The following KRT76 variants were observed in gnomAD, a reference collection of about 807,000 sequenced individuals.
The protein encoded by KRT76 is keratin, type II cytoskeletal 2 oral.
Under a neutral mutation model 44.9 loss-of-function variants are expected in KRT76, and 47 were observed. That is an observed-to-expected ratio of 1.05 (90% CI 0.83 to 1.33). The LOEUF (loss-of-function observed/expected upper bound fraction) is 1.33. Among genes scored for constraint, KRT76 ranks in the 40% most tolerant of loss-of-function variants. KRT76 has a pLI of 0.00. For missense variants in KRT76, 860 were observed against 775.8 expected (o/e 1.11, Z -1.29); for synonymous variants, 331 against 294.1 (o/e 1.13, Z -1.28).
At chr12:52,773,351 G>A (rs374733922) in intron 3 of KRT76, among the ~76,000 whole-genome samples, 3 of 152,136 alleles carry the variant, frequency 2.0e-5, no homozygotes, top group East Asian at 1.9e-4. Context: ...TTATTAGTTC[G>A]CATTGCTAAT....
In KRT76 at chr12:52,776,811, T is replaced by C; in HGVS notation, c.481A>G (p.Asn161Asp). Residue 161 changes from asparagine to aspartate, a missense_variant, in exon 1 of 9, where the codon AAC becomes GAC. Transcript: ENST00000332411. The stretch of plus-strand genomic sequence containing the variant: ...TTGAGGGGCTGCAGGAGACTCTGGT[T>C]TACAATCACTTCCTGAATTCCCCCA... ...FPGGIQEVIV[N>D]QSLLQPLNVE... The C allele has an allele frequency of 6.2e-7, 1 of 1,613,944 alleles. No individual in the cohort carries two copies. The highest frequency in any genetic ancestry group is 8.5e-7 in the Non-Finnish European group (1 of 1,179,998).
chr12:52,769,612 T>G, intron 7 of KRT76, 29 bp from the exon 8 acceptor site: 1 of 1,605,540 alleles, frequency 6.2e-7, no homozygotes, highest in Non-Finnish European at 8.5e-7. Flanking sequence ...GGTGAATTCT[T>G]TCTGTTATGA....
At position 52,769,048 on chromosome 12, in the gene KRT76, C is replaced by T. The variant is rs1173880547; in HGVS notation, c.1582G>A (p.Gly528Arg). ...SSGSSRGVFG[G>R]VSGSGSGGYK... ...CCACCACTGCCACTGCCACTGACCC[C>T]TCCAAAAACTCCACGGCTACTGCCA... is the stretch of plus-strand genomic sequence containing the variant. The change falls in exon 9 of 9, where the codon GGG (glycine) becomes AGG (arginine). Residue 528 changes from glycine (G) to arginine (R), a missense_variant. Physicochemically the swap from Gly to Arg is moderately radical, Grantham distance 125. Transcript: ENST00000332411. 3 of 739,102 alleles carry T rather than the reference C, an allele frequency of 4.1e-6. No individual in the cohort carries two copies. Among genetic ancestry groups the T allele is most frequent in the South Asian group, 1.5e-5 (1 of 68,048 alleles). The allele number at this position is 739,102 out of a possible 1,614,324, so 45.8% of individuals were successfully genotyped here. A position where few individuals can be genotyped will look rare whatever the true frequency, so the allele number is the denominator to read the frequency against.
chr12:52,775,671 G>A (rs1939251679), intron 1 of KRT76, 69 bp from the exon 2 acceptor site: 1 of 1,245,468 alleles, frequency 8.0e-7, no homozygotes, highest in Non-Finnish European at 1.1e-6. Context: ...CATCCCAAAT[G>A]TAGAACTGTG....
In KRT76 at chr12:52,775,399, G is replaced by C; in HGVS notation, c.804C>G (p.Asp268Glu). ...ELKSMQDLVE[D>E]FKKKYEDEIN... ...GGAGGAGCCCTCACTTCTTTTTGAA[G>C]TCTTCCACCAGGTCCTGCATGCTTT... is the stretch of plus-strand genomic sequence containing the variant. The change falls in exon 2 of 9, where the codon GAC becomes GAG. Residue 268 changes from aspartate (D) to glutamate (E), a missense_variant. By Grantham distance (45) the Asp-to-Glu change is conservative. Transcript: ENST00000332411. The C allele has an allele frequency of 6.2e-7, 1 of 1,614,134 alleles. No individual in the cohort carries two copies. Among genetic ancestry groups the C allele is most frequent in the Non-Finnish European group, 8.5e-7 (1 of 1,179,972 alleles).
chr12:52,771,749 G>A (rs541847253), intron 6 of KRT76, 122 bp downstream of exon 6: 37 of 1,246,426 alleles, frequency 3.0e-5, no homozygotes, highest in Middle Eastern at 2.9e-4. Context: ...CAGACACTGC[G>A]CTATCCCACA....
At chr12:52,775,988 T>C (rs1320590481) in intron 1 of KRT76, among the ~76,000 whole-genome samples, 2 of 152,126 alleles carry the variant, frequency 1.3e-5, no homozygotes, top group Non-Finnish European at 2.9e-5. Flanking sequence ...AGAATACCAC[T>C]GAAGGAGGTA....
At position 52,768,193 on chromosome 12, in the gene KRT76, C is replaced by T. The variant is rs934969889; in HGVS notation, c.*520G>A. The T allele has an allele frequency of 1.3e-5, 2 of 153,676 alleles. No homozygotes were observed. The highest frequency in any genetic ancestry group is 2.9e-5 in the Non-Finnish European group (2 of 68,854). 9.5% of individuals were successfully genotyped at this position (153,676 alleles called of 1,614,324 possible). On this transcript the variant is annotated 3_prime_UTR_variant, in exon 9 of 9. Coordinates refer to ENST00000332411, the MANE Select transcript of KRT76 (RefSeq NM_015848.4). Reference sequence around the variant, plus strand: ...AATTTATTGAGAAAAGAAAGTGCAACATACTCATCACCAGAGGATCTACAG... The same window carrying T: ...AATTTATTGAGAAAAGAAAGTGCAATATACTCATCACCAGAGGATCTACAG...
At chr12:52,773,530 G>T (rs578017991) in intron 3 of KRT76, 52 bp downstream of exon 3, 3 of 1,410,156 alleles carry the variant, frequency 2.1e-6, no homozygotes, top group Non-Finnish European at 3.0e-6. Context: ...CTCTCTCCAT[G>T]GGGGCAGCTC....
intron 2 of KRT76, 32 bp downstream of exon 2, chr12:52,775,356 A>G: frequency 1.3e-6 from 2 of 1,589,744 alleles, no homozygotes; most frequent in Non-Finnish European, 1.7e-6. Context: ...CTAATTCCCC[A>G]GAAGGGGAAA....
In KRT76 at chr12:52,769,460, G is replaced by C. The variant is rs1939145582; in HGVS notation, c.1519+89C>G. 5 of 1,118,654 alleles carry C rather than the reference G, an allele frequency of 4.5e-6. No individual in the cohort carries two copies. The South Asian group carries it at 6.2e-5, about 14-fold the overall frequency. The allele number at this position is 1,118,654 out of a possible 1,614,324, so 69.3% of individuals were successfully genotyped here. ...TGGCCTGACTTCCTTGGATGGAACA[G>C]GCCTTCTTGCCTGAAGGTCAGTCAG... is the stretch of plus-strand genomic sequence containing the variant. On this transcript the variant is annotated intron_variant, in intron 8 of 8. Coordinates refer to ENST00000332411, the MANE Select transcript of KRT76 (RefSeq NM_015848.4).
rs2121182457 is a variant in KRT76, at chr12:52,769,163, C to T, written c.1520-53G>A. 4.6e-6 allele frequency: 3 copies of T among 657,100 alleles called. No homozygotes were observed. The East Asian group carries it at 8.2e-5, about 18-fold the overall frequency. The allele number at this position is 657,100 out of a possible 1,614,324, so 40.7% of individuals were successfully genotyped here. A position where few individuals can be genotyped will look rare whatever the true frequency, so the allele number is the denominator to read the frequency against. Reference sequence around the variant, plus strand: ...GCAAAGGGCCTGGGAAACTGGAAGCCAAGGACTGTATTACATCCCCACCCT... The same window carrying T: ...GCAAAGGGCCTGGGAAACTGGAAGCTAAGGACTGTATTACATCCCCACCCT... On this transcript the variant is annotated intron_variant, in intron 8 of 8. Transcript: ENST00000332411.
intron 2 of KRT76, 113 bp from the exon 3 acceptor site, chr12:52,773,755 C>G: frequency 1.3e-6 from 1 of 743,026 alleles, no homozygotes; most frequent in Non-Finnish European, 2.3e-6. Context: ...GCTTCATGGG[C>G]ACGTGCAGTT....
chr12:52,775,004 G>C (rs765164369), intron 2 of KRT76, among the ~76,000 whole-genome samples: 18 of 152,150 alleles, frequency 1.2e-4, no homozygotes, highest in Non-Finnish European at 2.5e-4. Flanking sequence ...CACACTCCTG[G>C]GGCCTGTCCA....
In KRT76 at chr12:52,769,425, C is replaced by T. The variant is rs115740296; in HGVS notation, c.1519+124G>A. On this transcript the variant is annotated intron_variant, in intron 8 of 8. Transcript: ENST00000332411. ...TGTGGCCATGGCCTGAGATCCTAGACGCTGTCAGGTGGCCTGACTTCCTTG... is the reference window on the plus strand; with the variant it reads ...TGTGGCCATGGCCTGAGATCCTAGATGCTGTCAGGTGGCCTGACTTCCTTG... 1,624 of 808,214 alleles carry T rather than the reference C, an allele frequency of 2.0e-3. 14 individuals are homozygous for T. The African/African-American group carries it at 0.023, about 12-fold the overall frequency. The allele number at this position is 808,214 out of a possible 1,614,324, so 50.1% of individuals were successfully genotyped here.
chr12:52,775,452 C>G lies in KRT76; in HGVS notation c.751G>C (p.Glu251Gln). 6.2e-7 allele frequency: 1 copy of G among 1,614,174 alleles called. No homozygotes were observed. The highest frequency in any genetic ancestry group is 8.5e-7 in the Non-Finnish European group (1 of 1,180,016). The change falls in exon 2 of 9, where the codon GAG becomes CAG. Residue 251 changes from glutamate to glutamine, a missense_variant. Physicochemically the swap from Glu to Gln is conservative, Grantham distance 29 (BLOSUM62 2). Transcript: ENST00000332411. Reference sequence around the variant, plus strand: ...AGCTCTCCCTCCAGGTTCCCCCTCTCCCCTAGAAGTGAATCTAGCTGCTTG... The same window carrying G: ...AGCTCTCCCTCCAGGTTCCCCCTCTGCCCTAGAAGTGAATCTAGCTGCTTG... ...LCKQLDSLLG[E>Q]RGNLEGELKS...
intron 6 of KRT76, 116 bp from the exon 7 acceptor site, chr12:52,771,335 A>G (rs1939178724): frequency 1.0e-6 from 1 of 983,694 alleles, no homozygotes; most frequent in Non-Finnish European, 1.5e-6. Flanking sequence ...AGAAATCCCA[A>G]TGGAGCATGC....
At position 52,771,157 on chromosome 12, in the gene KRT76, G is replaced by C. The variant is rs200722310; in HGVS notation, c.1326C>G (p.Asp442Glu). The C allele has an allele frequency of 1.9e-6, 3 of 1,614,136 alleles. No individual in the cohort carries two copies. The highest frequency in any genetic ancestry group is 2.5e-6 in the Non-Finnish European group (3 of 1,180,034). ...GCAAGTCTTGGAGCTTGGCATTGGC[G>C]TCCTTGAGGGCCATCTCTCCACGCT... ...AEQRGEMALK[D>E]ANAKLQDLQT... The change falls in exon 7 of 9, where the codon GAC (aspartate) becomes GAG (glutamate). Residue 442 changes from aspartate to glutamate, a missense_variant. By Grantham distance (45) the Asp-to-Glu change is conservative. Coordinates refer to ENST00000332411, the MANE Select transcript of KRT76 (RefSeq NM_015848.4).
At chr12:52,771,285 T>A in intron 6 of KRT76, 66 bp from the exon 7 acceptor site, 1 of 1,456,132 alleles carries the variant, frequency 6.9e-7, no homozygotes, top group African/African-American at 1.4e-5. Flanking sequence ...TAGGAGTAGA[T>A]CTCTTCCCCC....
Sources: gnomAD v4.1 joint callset for allele counts (sites outside exome capture counted in the v4.1 genomes callset) on GRCh38, gnomAD v4.1.1 for gene constraint, MANE v1.5 for transcripts, NCBI Gene and HGNC (gene_info 2026-07-23, HGNC 2026-07-21) for gene names.